WWOX: variants seen among roughly 807,000 people sequenced by gnomAD.
WWOX encodes WW domain-containing oxidoreductase.
In WWOX, 69 loss-of-function variants were observed where a neutral mutation model predicts 46.2. The ratio of observed to expected loss-of-function variants is 1.49; its 90% CI spans 1.23 to 1.82. The LOEUF is 1.82. Among genes scored for constraint, WWOX ranks in the 40% most tolerant of loss-of-function variants. WWOX has a pLI of 0.00. For missense variants in WWOX, 919 were observed against 542.6 expected (o/e 1.69, Z -6.89); for synonymous variants, 359 against 202.6 (o/e 1.77, Z -6.56).
At chr16:78,205,214 G>A (rs897630544) in intron 5 of WWOX, among the ~76,000 whole-genome samples, 5 of 152,104 alleles carry the variant, frequency 3.3e-5, no homozygotes, top group African/African-American at 1.2e-4. Context: ...GAATGTGGGG[G>A]TCATGGAAGA....
At chr16:78,445,976 G>A (rs918008771) in intron 8 of WWOX, among the ~76,000 whole-genome samples, 8 of 152,218 alleles carry the variant, frequency 5.3e-5, no homozygotes, top group Admixed American at 1.3e-4. Flanking sequence ...AAAATGGGCT[G>A]TGGAATTTGG....
intron 8 of WWOX, among the ~76,000 whole-genome samples, chr16:78,594,804 C>T (rs536489878): frequency 6.6e-6 from 1 of 152,124 alleles, no homozygotes; most frequent in African/African-American, 2.4e-5. Context: ...TAGCCTCAGT[C>T]TCTCGGGATG....
rs535934438 is a variant in WWOX at position 78,753,476 on chromosome 16, C to T, written c.1056+320724C>T. On this transcript the variant is annotated intron_variant, in intron 8 of 8. Coordinates refer to ENST00000566780, the MANE Select transcript of WWOX (RefSeq NM_016373.4). ...GTTTTCTTTGTTGCAGCAAATATTACTGCAGAGTTTTAGTGCATTATAGCC... is the reference window on the plus strand; with the variant it reads ...GTTTTCTTTGTTGCAGCAAATATTATTGCAGAGTTTTAGTGCATTATAGCC... Among the ~76,000 whole-genome samples the T allele has an allele frequency of 6.2e-4, 95 of 152,160 alleles. 1 individual carries two copies. The South Asian group carries it at 0.019, about 30-fold the overall frequency.
intron 6 of WWOX, among the ~76,000 whole-genome samples, chr16:78,398,050 CACTTTCTTTCT>C (rs986865092): frequency 6.6e-6 from 1 of 152,228 alleles, no homozygotes; most frequent in Non-Finnish European, 1.5e-5. Context: ...TGTCCATTTC[CACTTTCTTTCT>C]ACTTGTCTTC....
Position 78,817,172 on chromosome 16 carries a change from C to CTTTTTTTTTTTTTTTT in WWOX, c.1056+384432_1056+384447dup, listed in dbSNP as rs33981779. On this transcript the variant is annotated intron_variant, in intron 8 of 8. Transcript: ENST00000566780. ...GTTTTTCTTAAACATTAGTGCTATT[C>CTTTTTTTTTTTTTTTT]TTTTTTTTTTTTTTTTTTTTTTTTT... Among the ~76,000 whole-genome samples, 37 of 51,576 alleles carry CTTTTTTTTTTTTTTTT rather than the reference C, an allele frequency of 7.2e-4. 12 individuals are homozygous for CTTTTTTTTTTTTTTTT. Among genetic ancestry groups the CTTTTTTTTTTTTTTTT allele is most frequent in the East Asian group, 1.4e-3 (2 of 1,420 alleles). The allele number at this position is 51,576 out of a possible 152,430, so 33.8% of individuals were successfully genotyped here.
chr16:78,300,013 A>G (rs747067201), intron 5 of WWOX, among the ~76,000 whole-genome samples: 11 of 152,216 alleles, frequency 7.2e-5, no homozygotes, highest in Non-Finnish European at 1.5e-4. Flanking sequence ...ACAGCTGCCT[A>G]CAAGGGAATC....
intron 8 of WWOX, among the ~76,000 whole-genome samples, chr16:78,728,729 A>G (rs1235929831): frequency 4.6e-5 from 7 of 152,162 alleles, no homozygotes; most frequent in Non-Finnish European, 8.8e-5. Flanking sequence ...TTCACATCCT[A>G]TGATTCCAAG....
chr16:78,122,102 G>T (rs778729095), intron 4 of WWOX, among the ~76,000 whole-genome samples: 3 of 152,052 alleles, frequency 2.0e-5, no homozygotes, highest in African/African-American at 4.8e-5. Flanking sequence ...TATTATTATT[G>T]TTGATCTCTT....
chr16:78,341,905 C>T (rs960604370), intron 5 of WWOX, among the ~76,000 whole-genome samples: 1 of 119,460 alleles, frequency 8.4e-6, no homozygotes, highest in African/African-American at 2.8e-5. Context: ...GCTTGTCTTA[C>T]AGGAGTTGAA....
chr16:78,206,842 A>G (rs1356963835), intron 5 of WWOX, among the ~76,000 whole-genome samples: 2 of 152,242 alleles, frequency 1.3e-5, no homozygotes, highest in Non-Finnish European at 2.9e-5. Flanking sequence ...AAGAAGTGAC[A>G]AAGTACGGTT....
chr16:79,026,441 G>C (rs2047643381), intron 8 of WWOX, among the ~76,000 whole-genome samples: 1 of 151,494 alleles, frequency 6.6e-6, no homozygotes, highest in South Asian at 2.1e-4. Flanking sequence ...TCTGGGAACT[G>C]TGTCCCCTTC....
intron 8 of WWOX, among the ~76,000 whole-genome samples, chr16:78,712,082 T>C (rs975265700): frequency 1.3e-5 from 2 of 152,208 alleles, no homozygotes; most frequent in African/African-American, 4.8e-5. Flanking sequence ...AGATGTCTTA[T>C]ATCCATTCCT....
chr16:78,443,333 A>T (rs1175876079), intron 8 of WWOX, among the ~76,000 whole-genome samples: 1 of 151,856 alleles, frequency 6.6e-6, no homozygotes, highest in Non-Finnish European at 1.5e-5. Flanking sequence ...CCAAAACTAT[A>T]TGTGCAAGCC....
At chr16:78,878,756 T>C (rs77528743) in intron 8 of WWOX, among the ~76,000 whole-genome samples, 14 of 152,112 alleles carry the variant, frequency 9.2e-5, no homozygotes, top group African/African-American at 3.4e-4. Context: ...GTGAAGTTGC[T>C]TGCTTGAAAT....
chr16:78,825,202 A>G (rs1331774851), intron 8 of WWOX: 1 of 162,628 alleles, frequency 6.1e-6, no homozygotes, highest in Non-Finnish European at 1.3e-5. Context: ...GCGTCTTCTT[A>G]CTGCACTGTC....
chr16:78,848,044 A>G (rs1347564726), intron 8 of WWOX, among the ~76,000 whole-genome samples: 1 of 152,160 alleles, frequency 6.6e-6, no homozygotes, highest in Admixed American at 6.5e-5. Context: ...AGGTCCCTCT[A>G]GAGTCATCTA....
chr16:79,051,934 C>G (rs1319024614), intron 8 of WWOX, among the ~76,000 whole-genome samples: 3 of 152,246 alleles, frequency 2.0e-5, no homozygotes, highest in Non-Finnish European at 4.4e-5. Flanking sequence ...GCCTGTTCCT[C>G]TTCCTTATTT....
chr16:78,251,264 T>A (rs1407379870), intron 5 of WWOX, among the ~76,000 whole-genome samples: 3 of 152,208 alleles, frequency 2.0e-5, no homozygotes, highest in African/African-American at 7.2e-5. Flanking sequence ...TATTTCATGG[T>A]GCCTCATCAC....
At chr16:79,150,605 C>A (rs950390882) in intron 8 of WWOX, among the ~76,000 whole-genome samples, 2 of 152,122 alleles carry the variant, frequency 1.3e-5, no homozygotes, top group Non-Finnish European at 2.9e-5. Flanking sequence ...CCAGAACCTC[C>A]AGTTTTTCTG....
Sources: gnomAD v4.1 joint callset for allele counts (sites outside exome capture counted in the v4.1 genomes callset) on GRCh38, gnomAD v4.1.1 for gene constraint, MANE v1.5 for transcripts, NCBI Gene and HGNC (gene_info 2026-07-23, HGNC 2026-07-21) for gene names.